Variants in MUC5B observed in about 807,000 individuals in gnomAD.
MUC5B encodes the protein mucin-5B.
In MUC5B, 116 loss-of-function variants were observed where a neutral mutation model predicts 376.9. That is an observed-to-expected ratio of 0.31 (90% CI 0.26 to 0.36). The LOEUF (loss-of-function observed/expected upper bound fraction) is 0.36, where lower values mean the gene tolerates loss of function less well. MUC5B is among the 10% of genes least tolerant of loss of function. MUC5B has a pLI of 1.00. For missense variants in MUC5B, 7,165 were observed against 7,769.9 expected (o/e 0.92, Z 2.93); for synonymous variants, 3,517 against 3,390.9 (o/e 1.04, Z -1.29).
chr11:1,259,112 C>T, intron 44 of MUC5B, 51 bp downstream of exon 44: 1 of 1,521,808 alleles, frequency 6.6e-7, no homozygotes, highest in Non-Finnish European at 8.8e-7. Flanking sequence ...CACCTGCCCC[C>T]AAGTGAGACC....
chr11:1,248,672 T>C lies in MUC5B; in HGVS notation c.11792T>C (p.Met3931Thr), dbSNP rs771355106. 8.8e-6 allele frequency: 14 copies of C among 1,597,020 alleles called. No individual in the cohort carries two copies. Among genetic ancestry groups the C allele is most frequent in the Non-Finnish European group, 1.0e-5 (12 of 1,173,038 alleles). The part of the protein sequence containing the change: ...TTTTTVATGS[M>T]ATPSSSTQTS... ...ACCACAACTGTGGCCACTGGTTCTA[T>C]GGCAACACCCTCCTCTAGCACACAG... Residue 3931 changes from methionine (M) to threonine (T), a missense_variant, in exon 31 of 49, where the codon ATG becomes ACG. Met to Thr is a moderately conservative substitution (Grantham distance 81). Transcript: ENST00000529681.
chr11:1,226,839 G>C lies in MUC5B; in HGVS notation c.424G>C (p.Glu142Gln). The change falls in exon 4 of 49, where the codon GAG (glutamate) becomes CAG (glutamine). Residue 142 changes from glutamate to glutamine, a missense_variant. Around this residue, in one of 31 missense-constraint regions of MUC5B, gnomAD observed 640 missense variants for 733.0 expected, o/e 0.87. Coordinates refer to ENST00000529681, the MANE Select transcript of MUC5B (RefSeq NM_002458.3). Reference sequence around the variant, plus strand: ...CATCAAGGCCCAGGGGCTGGTGCTGGAGGCGTCCAACGGCTCCGTCCTCAT... The same window carrying C: ...CATCAAGGCCCAGGGGCTGGTGCTGCAGGCGTCCAACGGCTCCGTCCTCAT... Reference protein sequence around the residue: ...VVIKAQGLVLEASNGSVLING... With the variant: ...VVIKAQGLVLQASNGSVLING... 6.2e-7 allele frequency: 1 copy of C among 1,609,232 alleles called. No homozygotes were observed. The highest frequency in any genetic ancestry group is 8.5e-7 in the Non-Finnish European group (1 of 1,179,726).
chr11:1,259,415 C>T, intron 44 of MUC5B: 1 of 494,260 alleles, frequency 2.0e-6, no homozygotes, highest in Non-Finnish European at 3.7e-6. Flanking sequence ...CTGGGGTTCT[C>T]TAGCTCAGCC....
In MUC5B at chr11:1,234,559, T is replaced by C; in HGVS notation, c.2509T>C (p.Cys837Arg). The C allele has an allele frequency of 6.3e-7, 1 of 1,583,138 alleles. No homozygotes were observed. The highest frequency in any genetic ancestry group is 8.6e-7 in the Non-Finnish European group (1 of 1,165,482). Residue 837 changes from cysteine to arginine, a missense_variant, in exon 21 of 49, where the codon TGT becomes CGT. Cys to Arg is a radical substitution (Grantham distance 180). This residue lies in a region of MUC5B where 530 missense variants were observed against 604.0 expected (regional missense o/e 0.88). Coordinates refer to ENST00000529681, the MANE Select transcript of MUC5B (RefSeq NM_002458.3). This position sits in a 1 kb window ranked among gnomAD's most constrained non-coding sequence, Gnocchi z 6.3. ...CACACACTGCGTGTCCGGCTGTGTC[T>C]GTCCCCCGGGGCTGGTGTCGGATGG... ...FSTHCVSGCV[C>R]PPGLVSDGSG...
Position 1,253,054 on chromosome 11 carries a change from A to C in MUC5B, c.15217+74A>C. The C allele has an allele frequency of 2.6e-6, 4 of 1,519,182 alleles. No homozygotes were observed. Among genetic ancestry groups the C allele is most frequent in the Non-Finnish European group, 3.6e-6 (4 of 1,119,150 alleles). 94.1% of individuals were successfully genotyped at this position (1,519,182 alleles called of 1,614,324 possible). The stretch of plus-strand genomic sequence containing the variant: ...AGTGCACCGTCGGCTAGGCTGGCAG[A>C]ATGGGGCATGGTGGGGCACAGTGGG... On this transcript the variant is annotated intron_variant, in intron 33 of 48. Coordinates refer to ENST00000529681, the MANE Select transcript of MUC5B (RefSeq NM_002458.3). The surrounding 1 kb of genome is among the most constrained non-coding windows in gnomAD (Gnocchi z 4.3).
At chr11:1,226,308 G>A in intron 3 of MUC5B, 32 bp downstream of exon 3, 1 of 1,548,046 alleles carries the variant, frequency 6.5e-7, no homozygotes, top group African/African-American at 1.4e-5. Context: ...CAGCCGGGAA[G>A]GGGGTGTTTG....
chr11:1,243,873 G>T lies in MUC5B; in HGVS notation c.6993G>T (p.Pro2331=). The change falls in exon 31 of 49, where the codon CCG becomes CCT. Residue 2331 remains proline (P), a synonymous_variant. Transcript: ENST00000529681. ...GGCTGGACTACAGCTACCCCATGCC[G>T]GGGCCCTCTGGCGGGGACTTTGACA... ...SEWLDYSYPM[P]GPSGGDFDTY... The T allele has an allele frequency of 6.2e-7, 1 of 1,610,966 alleles. No individual in the cohort carries two copies. The highest frequency in any genetic ancestry group is 1.3e-5 in the African/African-American group (1 of 74,794).
rs1862287417 is a variant in MUC5B at position 1,241,687 on chromosome 11, T to C, written c.4807T>C (p.Cys1603Arg). 5.6e-6 allele frequency: 9 copies of C among 1,612,354 alleles called. No individual in the cohort carries two copies. The East Asian group carries it at 2.0e-4, about 36-fold the overall frequency. The change falls in exon 31 of 49, where the codon TGC becomes CGC. Residue 1603 changes from cysteine (C) to arginine (R), a missense_variant. Around this residue, in one of 31 missense-constraint regions of MUC5B, gnomAD observed 897 missense variants for 779.6 expected, o/e 1.15. Coordinates refer to ENST00000529681, the MANE Select transcript of MUC5B (RefSeq NM_002458.3). ...GGTCCTCTGCTGCAGTGACGACCAC[T>C]GCAGGGGACGTGCCACAACCCCGCC... is the stretch of plus-strand genomic sequence containing the variant. ...IRVLCCSDDH[C>R]RGRATTPPPT...
At chr11:1,230,291 G>T in intron 11 of MUC5B, 148 bp downstream of exon 11, 1 of 1,288,370 alleles carries the variant, frequency 7.8e-7, no homozygotes, top group East Asian at 2.4e-5. Flanking sequence ...TGGTCATAGA[G>T]GGATGGCTCT....
At position 1,244,382 on chromosome 11, in the gene MUC5B, C is replaced by G. The variant is rs776811641; in HGVS notation, c.7502C>G (p.Thr2501Arg). The G allele has an allele frequency of 1.9e-6, 3 of 1,595,670 alleles. No individual in the cohort carries two copies. The highest frequency in any genetic ancestry group is 1.1e-5 in the South Asian group (1 of 90,512). Reference sequence around the variant, plus strand: ...ACCCCACATGTGAGCACCACGGCCACGACACCCACAGTCACCAGCTCCAAA... The same window carrying G: ...ACCCCACATGTGAGCACCACGGCCAGGACACCCACAGTCACCAGCTCCAAA... ...AGTPHVSTTA[T>R]TPTVTSSKAT... The change falls in exon 31 of 49, where the codon ACG becomes AGG. Residue 2501 changes from threonine to arginine, a missense_variant. Coordinates refer to ENST00000529681, the MANE Select transcript of MUC5B (RefSeq NM_002458.3).
At position 1,233,206 on chromosome 11, in the gene MUC5B, C is replaced by T; in HGVS notation, c.2259C>T (p.Pro753=). ...AGACVPAQEC[P]CYAHGTVLAP... is the part of the protein sequence containing the mutation. Reference sequence around the variant, plus strand: ...CCTGTGTGCCCGCCCAGGAGTGCCCCTGCTACGCTCACGGCACCGTGCTGG... The same window carrying T: ...CCTGTGTGCCCGCCCAGGAGTGCCCTTGCTACGCTCACGGCACCGTGCTGG... Residue 753 remains proline (P), a synonymous_variant, in exon 18 of 49, where the codon CCC becomes CCT. Coordinates refer to ENST00000529681, the MANE Select transcript of MUC5B (RefSeq NM_002458.3). 6.2e-7 allele frequency: 1 copy of T among 1,601,208 alleles called. No individual in the cohort carries two copies.
chr11:1,237,214 T>G, intron 25 of MUC5B, 50 bp downstream of exon 25: 2 of 1,343,424 alleles, frequency 1.5e-6, no homozygotes, highest in Non-Finnish European at 9.5e-7. Flanking sequence ...GGCAGTTGCT[T>G]CCTTCCCGCC....
At chr11:1,230,755 C>T (rs998710356) in intron 12 of MUC5B, among the ~76,000 whole-genome samples, 155 bp downstream of exon 12, 1 of 151,946 alleles carries the variant, frequency 6.6e-6, no homozygotes, top group African/African-American at 2.4e-5. Context: ...TCAGGTCCCC[C>T]CTCCAGCCCT....
In MUC5B at chr11:1,242,400, C is replaced by G. The variant is rs373201698; in HGVS notation, c.5520C>G (p.Ile1840Met). The G allele has an allele frequency of 1.2e-6, 2 of 1,613,856 alleles. No homozygotes were observed. The highest frequency in any genetic ancestry group is 1.7e-6 in the Non-Finnish European group (2 of 1,179,850). ...CRAENYPEVS[I>M]DQVGQVLTCS... ...CGGAGAACTACCCCGAGGTAAGCAT[C>G]GACCAGGTCGGGCAGGTGCTGACCT... Residue 1840 changes from isoleucine to methionine, a missense_variant, in exon 31 of 49, where the codon ATC becomes ATG. Physicochemically the swap from Ile to Met is conservative, Grantham distance 10 (BLOSUM62 1). Coordinates refer to ENST00000529681, the MANE Select transcript of MUC5B (RefSeq NM_002458.3).
chr11:1,256,604 C>A, intron 38 of MUC5B, 67 bp from the exon 39 acceptor site: 1 of 1,253,922 alleles, frequency 8.0e-7, no homozygotes, highest in Non-Finnish European at 1.1e-6. Context: ...ATCCTGGGGA[C>A]TCACGTGGAT....
In MUC5B at chr11:1,235,179, G is replaced by A. The variant is rs80298911; in HGVS notation, c.2725G>A (p.Asp909Asn). The A allele has an allele frequency of 1.8e-4, 284 of 1,613,066 alleles. No homozygotes were observed. In the East Asian group the frequency reaches 2.5e-3, roughly 14 times the overall value. Residue 909 changes from aspartate to asparagine, a missense_variant, in exon 22 of 49, where the codon GAT (aspartate) becomes AAT (asparagine). Asp to Asn is a conservative substitution (Grantham distance 23). This residue lies in a region of MUC5B where 530 missense variants were observed against 604.0 expected (regional missense o/e 0.88). Transcript: ENST00000529681. ...GDGHFITFDG[D>N]RYSFEGSCEY... ...TGGCCACTTCATCACCTTTGATGGC[G>A]ATCGCTACAGCTTTGAAGGCAGCTG...
At position 1,248,518 on chromosome 11, in the gene MUC5B, A is replaced by G. The variant is rs1353554078; in HGVS notation, c.11638A>G (p.Ser3880Gly). 1.2e-6 allele frequency: 2 copies of G among 1,612,782 alleles called. No individual in the cohort carries two copies. Among genetic ancestry groups the G allele is most frequent in the South Asian group, 2.2e-5 (2 of 91,030 alleles). The change falls in exon 31 of 49, where the codon AGC becomes GGC. Residue 3880 changes from serine to glycine, a missense_variant. Around this residue, in one of 31 missense-constraint regions of MUC5B, gnomAD observed 242 missense variants for 199.0 expected, o/e 1.22. Coordinates refer to ENST00000529681, the MANE Select transcript of MUC5B (RefSeq NM_002458.3). ...TTGFTVTPSS[S>G]PGTARTPPVW... ...GGGCTTCACAGTCACCCCCTCCTCC[A>G]GCCCAGGGACGGCACGCACGCCTCC...
In MUC5B at chr11:1,243,475, G is replaced by A. The variant is rs774255495; in HGVS notation, c.6595G>A (p.Gly2199Arg). ...GCCGAACACCATGGCCACCACACAC[G>A]GGCGATCCCTGCCCCCCAGCAGTCC... ...PVPNTMATTH[G>R]RSLPPSSPHT... Residue 2199 changes from glycine to arginine, a missense_variant, in exon 31 of 49, where the codon GGG becomes AGG. Gly to Arg is a moderately radical substitution (Grantham distance 125, BLOSUM62 -2). Around this residue, in one of 31 missense-constraint regions of MUC5B, gnomAD observed 67 missense variants for 103.0 expected, o/e 0.65. Transcript: ENST00000529681. 47 of 1,532,588 alleles carry A rather than the reference G, an allele frequency of 3.1e-5. 5 individuals are homozygous for A. The East Asian group carries it at 3.4e-4, about 11-fold the overall frequency. 94.9% of individuals were successfully genotyped at this position (1,532,588 alleles called of 1,614,324 possible).
rs947334988 is a variant in MUC5B, at chr11:1,251,629, A to G, written c.14749A>G (p.Ser4917Gly). 1.2e-6 allele frequency: 2 copies of G among 1,612,990 alleles called. No individual in the cohort carries two copies. The highest frequency in any genetic ancestry group is 2.2e-5 in the South Asian group (2 of 91,080). ...GCTCCCCAGCAGCCTGCCAACCTTCAGCGTGTCCACTGTGTCCTCCTCAGT... is the reference window on the plus strand; with the variant it reads ...GCTCCCCAGCAGCCTGCCAACCTTCGGCGTGTCCACTGTGTCCTCCTCAGT... The part of the protein sequence containing the change: ...AVLPSSLPTF[S>G]VSTVSSSVLT... The change falls in exon 31 of 49, where the codon AGC becomes GGC. Residue 4917 changes from serine (S) to glycine (G), a missense_variant. Transcript: ENST00000529681.
Sources: allele counts gnomAD v4.1 joint callset (sites outside exome capture counted in the v4.1 genomes callset), GRCh38; gene constraint gnomAD v4.1.1; regional missense constraint gnomAD v4.1.1; non-coding constraint Gnocchi (gnomAD v3.1); transcripts MANE v1.5; gene names NCBI Gene and HGNC (gene_info 2026-07-23, HGNC 2026-07-21).